Variants in LRMDA observed in about 807,000 individuals in gnomAD.
LRMDA encodes leucine rich melanocyte differentiation associated.
Under a neutral mutation model 29.8 loss-of-function variants are expected in LRMDA, and 18 were observed. The ratio of observed to expected loss-of-function variants is 0.60; its 90% CI spans 0.42 to 0.90. The LOEUF is 0.90. LRMDA is among the 40% of genes least tolerant of loss of function. The pLI, the probability that LRMDA is intolerant of heterozygous loss-of-function variation, is 0.00. For synonymous variants in LRMDA, 125 were observed against 109.4 expected (o/e 1.14, Z -0.89); for missense variants, 273 against 273.9 (o/e 1.00, Z 0.02).
chr10:75,864,591 CTG>C (rs1844989047), intron 2 of LRMDA, among the ~76,000 whole-genome samples: 1 of 152,186 alleles, frequency 6.6e-6, no homozygotes, highest in South Asian at 2.1e-4. Flanking sequence ...GGGTGCAAGA[CTG>C]TGTTTTATCT....
At chr10:75,865,168 T>C (rs1038561899) in intron 2 of LRMDA, among the ~76,000 whole-genome samples, 1 of 152,186 alleles carries the variant, frequency 6.6e-6, no homozygotes, top group Non-Finnish European at 1.5e-5. Context: ...CTGGGTGAAA[T>C]AAGTCATACA....
At chr10:76,467,075 C>T (rs1336135162) in intron 6 of LRMDA, among the ~76,000 whole-genome samples, 2 of 152,174 alleles carry the variant, frequency 1.3e-5, no homozygotes, top group Admixed American at 1.3e-4. Flanking sequence ...AATCTAAGCA[C>T]ACATCCTTAA....
At chr10:75,500,180 A>G (rs1845095374) in intron 2 of LRMDA, among the ~76,000 whole-genome samples, 2 of 152,108 alleles carry the variant, frequency 1.3e-5, no homozygotes, top group Admixed American at 6.5e-5. Flanking sequence ...GTTGCTCCTT[A>G]CAGGAGTCTT....
chr10:75,657,902 A>G (rs1841698908), intron 2 of LRMDA, among the ~76,000 whole-genome samples: 1 of 152,064 alleles, frequency 6.6e-6, no homozygotes, highest in South Asian at 2.1e-4. Context: ...TGTGGAGACT[A>G]TCAGTGTGTA....
intron 5 of LRMDA, among the ~76,000 whole-genome samples, chr10:76,240,626 G>A (rs1852255781): frequency 1.3e-5 from 2 of 150,678 alleles, no homozygotes; most frequent in South Asian, 2.1e-4. Flanking sequence ...CCACTCCTGG[G>A]TATCTACCCA....
intron 2 of LRMDA, among the ~76,000 whole-genome samples, chr10:75,833,633 T>C (rs557971970): frequency 1.3e-5 from 2 of 152,356 alleles, no homozygotes; most frequent in African/African-American, 2.4e-5. Context: ...GCTTCAAGTC[T>C]AAAACCTCAT....
chr10:75,988,031 A>T (rs1847291120), intron 2 of LRMDA, among the ~76,000 whole-genome samples: 2 of 152,188 alleles, frequency 1.3e-5, no homozygotes, highest in Non-Finnish European at 2.9e-5. Context: ...TTTCGTTTAA[A>T]AGCAGCTGCG....
intron 6 of LRMDA, among the ~76,000 whole-genome samples, chr10:76,364,804 C>T (rs1841368864): frequency 6.6e-6 from 1 of 151,488 alleles, no homozygotes; most frequent in Non-Finnish European, 1.5e-5. Flanking sequence ...ACCCATCACC[C>T]ATGTATACAC....
chr10:75,436,427 A>C (rs939130714), intron 1 of LRMDA, among the ~76,000 whole-genome samples: 6 of 151,186 alleles, frequency 4.0e-5, no homozygotes, highest in Non-Finnish European at 5.9e-5. Context: ...AGCGCCATGG[A>C]CCTGGGGTTC....
At chr10:76,234,281 G>A (rs1589387124) in intron 5 of LRMDA, among the ~76,000 whole-genome samples, 1 of 152,130 alleles carries the variant, frequency 6.6e-6, no homozygotes, top group African/African-American at 2.4e-5. Context: ...CTGAGCAGTA[G>A]GTCTCAATAG....
At chr10:75,466,119 CAT>C (rs1305826344) in intron 2 of LRMDA, among the ~76,000 whole-genome samples, 1 of 152,192 alleles carries the variant, frequency 6.6e-6, no homozygotes, top group Non-Finnish European at 1.5e-5. Context: ...AGAGGTCACA[CAT>C]GTGATGAATT....
At chr10:75,614,728 C>T (rs988671884) in intron 2 of LRMDA, among the ~76,000 whole-genome samples, 4 of 151,868 alleles carry the variant, frequency 2.6e-5, no homozygotes, top group Admixed American at 2.6e-4. Context: ...AGCTGTGTTA[C>T]TCATGATGCA....
At chr10:76,353,330 T>G (rs1381131025) in intron 6 of LRMDA, among the ~76,000 whole-genome samples, 3 of 146,192 alleles carry the variant, frequency 2.1e-5, no homozygotes, top group Non-Finnish European at 1.5e-5. Flanking sequence ...AGCTGTGGAG[T>G]TGTGTGTGTG....
At chr10:75,670,467 A>G (rs1211904192) in intron 2 of LRMDA, among the ~76,000 whole-genome samples, 1 of 152,140 alleles carries the variant, frequency 6.6e-6, no homozygotes, top group African/African-American at 2.4e-5. Flanking sequence ...CTTCCTTTCT[A>G]GGTTCTGCAG....
At chr10:75,619,986 C>T (rs1841160211) in intron 2 of LRMDA, among the ~76,000 whole-genome samples, 1 of 152,166 alleles carries the variant, frequency 6.6e-6, no homozygotes, top group African/African-American at 2.4e-5. Flanking sequence ...AAAGCATTAG[C>T]CCAGCTTTCC....
chr10:75,958,363 T>C (rs746448964), intron 2 of LRMDA, among the ~76,000 whole-genome samples: 2 of 152,248 alleles, frequency 1.3e-5, no homozygotes, highest in Non-Finnish European at 2.9e-5. Flanking sequence ...TTCCGGTCAA[T>C]TCAATTTTCC....
intron 2 of LRMDA, among the ~76,000 whole-genome samples, chr10:75,898,617 A>T (rs11593149): frequency 0.054 from 8,178 of 152,290 alleles, 297 homozygotes; most frequent in Non-Finnish European, 0.082. Flanking sequence ...ACTGAAAAAA[A>T]AAACACACAT....
intron 2 of LRMDA, among the ~76,000 whole-genome samples, chr10:75,835,110 G>C (rs963516518): frequency 1.3e-5 from 2 of 152,168 alleles, no homozygotes; most frequent in African/African-American, 4.8e-5. Context: ...TAGCCTACAA[G>C]TAATACACAT....
chr10:76,547,561 G>T (rs1047410074), intron 6 of LRMDA, among the ~76,000 whole-genome samples: 2 of 152,064 alleles, frequency 1.3e-5, no homozygotes, highest in Admixed American at 6.6e-5. Context: ...GCCCTCTAGT[G>T]GTGATGCTCC....
Sources: gnomAD v4.1 joint callset for allele counts (sites outside exome capture counted in the v4.1 genomes callset) on GRCh38, gnomAD v4.1.1 for gene constraint, MANE v1.5 for transcripts, NCBI Gene and HGNC (gene_info 2026-07-23, HGNC 2026-07-21) for gene names.